DDX60L: variants seen among roughly 807,000 people sequenced by gnomAD.
DDX60L encodes the protein probable ATP-dependent RNA helicase DDX60-like.
DDX60L carries 191 observed loss-of-function variants against 211.6 expected under a neutral mutation model. The ratio of observed to expected loss-of-function variants is 0.90; its 90% CI spans 0.80 to 1.02. DDX60L has a LOEUF of 1.02. Among genes scored for constraint, DDX60L ranks in the 50% least tolerant of loss-of-function variants. The pLI is 0.00. For synonymous variants in DDX60L, 706 were observed against 694.1 expected, an observed-to-expected ratio of 1.02 and a Z score of -0.27; for missense variants, 2,007 against 1,984.1, an observed-to-expected ratio of 1.01 and a Z score of -0.22.
chr4:168,453,861 A>G (rs1224977563), intron 7 of DDX60L, among the ~76,000 whole-genome samples: 1 of 152,220 alleles, frequency 6.6e-6, no homozygotes, highest in African/African-American at 2.4e-5. Flanking sequence ...TTTGGGTTCA[A>G]TATGTTCATT....
chr4:168,397,280 T>C (rs1745968614), intron 26 of DDX60L, among the ~76,000 whole-genome samples: 1 of 152,238 alleles, frequency 6.6e-6, no homozygotes, highest in Non-Finnish European at 1.5e-5. Flanking sequence ...TATGAAGCAC[T>C]ATTACTATGT....
chr4:168,423,360 A>G (rs931252791), intron 15 of DDX60L, among the ~76,000 whole-genome samples: 2 of 152,162 alleles, frequency 1.3e-5, no homozygotes, highest in East Asian at 3.9e-4. Context: ...GCATCTGGAT[A>G]TCATCTAGTA....
intron 4 of DDX60L, among the ~76,000 whole-genome samples, chr4:168,464,953 A>G (rs1757789538): frequency 6.6e-6 from 1 of 152,110 alleles, no homozygotes; most frequent in Admixed American, 6.6e-5. Context: ...GTGTTTCAAT[A>G]AACACAGGAC....
intron 5 of DDX60L, among the ~76,000 whole-genome samples, chr4:168,460,852 C>A (rs562869266): frequency 6.6e-6 from 1 of 152,160 alleles, no homozygotes; most frequent in Admixed American, 6.6e-5. Context: ...TCCCTCCTCA[C>A]GTTTGGTAAT....
At chr4:168,362,029 A>T (rs1209130482) in intron 36 of DDX60L, among the ~76,000 whole-genome samples, 1 of 152,266 alleles carries the variant, frequency 6.6e-6, no homozygotes, top group East Asian at 1.9e-4. Context: ...AAAGGCAGAC[A>T]TGCACAGCAA....
Position 168,415,797 on chromosome 4 carries a change from C to T in DDX60L, c.2729G>A (p.Trp910Ter). 1 of 1,546,098 alleles carries T rather than the reference C, an allele frequency of 6.5e-7. No individual in the cohort carries two copies. Among genetic ancestry groups the T allele is most frequent in the Non-Finnish European group, 8.7e-7 (1 of 1,146,972 alleles). The change falls in exon 21 of 38, where the codon TGG (tryptophan) becomes TAG (stop). Residue 910 changes from tryptophan (W) to a stop codon, truncating the protein, a stop_gained and splice_region_variant. Coordinates refer to ENST00000682922, the MANE Select transcript of DDX60L (RefSeq NM_001012967.3). LOFTEE classifies it high-confidence loss of function. ...TINNPNLLTK[W>*]LQSVKQYWKQ... ...CCAGTACTGTTTTACTGATTGCAGC[C>T]ACCTTACAGAATAAACATGCATATA... is the stretch of plus-strand genomic sequence containing the variant.
intron 25 of DDX60L, among the ~76,000 whole-genome samples, chr4:168,401,863 T>C (rs1328131631): frequency 6.6e-6 from 1 of 152,200 alleles, no homozygotes; most frequent in Non-Finnish European, 1.5e-5. Flanking sequence ...CTACTATGCA[T>C]GGTAAGAAGA....
intron 37 of DDX60L, 127 bp from the exon 38 acceptor site, chr4:168,358,403 C>T (rs752979330): frequency 2.2e-4 from 137 of 629,376 alleles, no homozygotes; most frequent in Middle Eastern, 4.3e-4. Flanking sequence ...AGAAAAAGTA[C>T]GCAGAATATT....
In DDX60L at chr4:168,391,559, T is replaced by C; in HGVS notation, c.3896A>G (p.Asp1299Gly). The C allele has an allele frequency of 6.2e-7, 1 of 1,603,776 alleles. No homozygotes were observed. Among genetic ancestry groups the C allele is most frequent in the African/African-American group, 1.3e-5 (1 of 74,462 alleles). The change falls in exon 29 of 38, where the codon GAT becomes GGT. Residue 1299 changes from aspartate to glycine, a missense_variant. Transcript: ENST00000682922. ...AGTTACCTGTCTGTAATTTAAAGCA[T>C]CCAGATAGACTGAGTCTTGGGCAAA... The part of the protein sequence containing the change: ...VVFAQDSVYL[D>G]ALNYRQMSGR...
intron 11 of DDX60L, 53 bp from the exon 12 acceptor site, chr4:168,432,623 C>T: frequency 9.4e-7 from 1 of 1,061,500 alleles, no homozygotes; most frequent in Middle Eastern, 2.6e-4. Flanking sequence ...CAAATTTTAG[C>T]ACAAACTTCA....
intron 1 of DDX60L, 72 bp from the exon 2 acceptor site, chr4:168,472,881 A>G: frequency 1.6e-6 from 1 of 626,492 alleles, no homozygotes. Context: ...ATATGGTTAC[A>G]TTTTCCACAG....
intron 4 of DDX60L, among the ~76,000 whole-genome samples, chr4:168,467,886 G>C (rs186290928): frequency 6.6e-6 from 1 of 152,260 alleles, no homozygotes; most frequent in African/African-American, 2.4e-5. Flanking sequence ...AATAAAATTG[G>C]CCTGGCACGG....
chr4:168,461,238 T>C (rs911572332), intron 5 of DDX60L, among the ~76,000 whole-genome samples: 4 of 152,170 alleles, frequency 2.6e-5, no homozygotes, highest in Non-Finnish European at 5.9e-5. Context: ...AAAATTCAGA[T>C]GTGATCAAAA....
intron 36 of DDX60L, among the ~76,000 whole-genome samples, chr4:168,363,934 G>A (rs918111284): frequency 6.6e-6 from 1 of 152,104 alleles, no homozygotes; most frequent in Admixed American, 6.5e-5. Flanking sequence ...AGGTAACAGA[G>A]TAAAACCCTG....
intron 10 of DDX60L, among the ~76,000 whole-genome samples, chr4:168,433,391 TC>T (rs1405997739): frequency 2.6e-5 from 4 of 152,116 alleles, no homozygotes; most frequent in Non-Finnish European, 4.4e-5. Flanking sequence ...AAGTACTTAT[TC>T]TTTTTTATTA....
At chr4:168,397,858 G>A (rs1746089428) in intron 26 of DDX60L, among the ~76,000 whole-genome samples, 1 of 152,190 alleles carries the variant, frequency 6.6e-6, no homozygotes, top group Non-Finnish European at 1.5e-5. Flanking sequence ...TTGACAGGGT[G>A]GGAGACGCCT....
chr4:168,423,802 T>C (rs1186727364), intron 14 of DDX60L, 28 bp from the exon 15 acceptor site: 13 of 1,431,158 alleles, frequency 9.1e-6, no homozygotes, highest in Non-Finnish European at 1.1e-5. Flanking sequence ...AAAATTGTTA[T>C]AAAGAACACC....
rs1411475311 is a variant in DDX60L, at chr4:168,415,877, A to G, written c.2727-78T>C. On this transcript the variant is annotated intron_variant, in intron 20 of 37. Coordinates refer to ENST00000682922, the MANE Select transcript of DDX60L (RefSeq NM_001012967.3). ...AGAACTTGGATATTTTAAACAAAGA[A>G]AATTTCACAAGTTTAAAAATTTAGA... 2.1e-5 allele frequency: 26 copies of G among 1,267,476 alleles called. No individual in the cohort carries two copies. The East Asian group carries it at 3.1e-4, about 15-fold the overall frequency. 78.5% of individuals were successfully genotyped at this position (1,267,476 alleles called of 1,614,324 possible).
chr4:168,448,403 A>G (rs1442391861), intron 9 of DDX60L, among the ~76,000 whole-genome samples: 1 of 152,200 alleles, frequency 6.6e-6, no homozygotes, highest in African/African-American at 2.4e-5. Context: ...TGCATCTACC[A>G]TTTAAATAAA....
Sources: gnomAD v4.1 joint callset for allele counts (sites outside exome capture counted in the v4.1 genomes callset) on GRCh38, gnomAD v4.1.1 for gene constraint, MANE v1.5 for transcripts, NCBI Gene and HGNC (gene_info 2026-07-23, HGNC 2026-07-21) for gene names.